The following WDR19 variants were observed in gnomAD, a reference collection of about 807,000 sequenced individuals.
The protein encoded by WDR19 is WD repeat-containing protein 19.
A neutral mutation model predicts 180.0 loss-of-function variants in WDR19; 121 were observed. The ratio of observed to expected loss-of-function variants is 0.67; its 90% CI spans 0.58 to 0.78. The LOEUF is 0.78. Among genes scored for constraint, WDR19 ranks in the 30% least tolerant of loss-of-function variants. WDR19 has a pLI of 0.00. For missense variants in WDR19, 1,450 were observed against 1,640.7 expected, an observed-to-expected ratio of 0.88 and a Z score of 2.01; for synonymous variants, 497 against 540.7, an observed-to-expected ratio of 0.92 and a Z score of 1.12.
chr4:39,253,063 T>TA (rs1210148798), intron 24 of WDR19, 83 bp from the exon 25 acceptor site: 2 of 1,376,494 alleles, frequency 1.5e-6, no homozygotes, highest in Non-Finnish European at 1.9e-6. Context: ...CAATAAAATT[T>TA]AAAAGTGTCC....
chr4:39,267,219 C>T (rs1734899148), intron 29 of WDR19, among the ~76,000 whole-genome samples: 1 of 152,224 alleles, frequency 6.6e-6, no homozygotes, highest in Non-Finnish European at 1.5e-5. Flanking sequence ...TGCCCCAGAC[C>T]TCCTTCCCCT....
At chr4:39,211,165 T>C (rs1316016659) in intron 9 of WDR19, among the ~76,000 whole-genome samples, 3 of 151,856 alleles carry the variant, frequency 2.0e-5, no homozygotes, top group Non-Finnish European at 4.4e-5. Context: ...CACCCCAGCC[T>C]GGGCAAAAGA....
At chr4:39,250,131 A>G (rs1732996688) in intron 24 of WDR19, among the ~76,000 whole-genome samples, 1 of 151,896 alleles carries the variant, frequency 6.6e-6, no homozygotes, top group Admixed American at 6.6e-5. Flanking sequence ...GCAACACATC[A>G]AAAAGCTTAT....
At chr4:39,221,029 AT>A (rs1729651595) in intron 14 of WDR19, among the ~76,000 whole-genome samples, 2 of 151,234 alleles carry the variant, frequency 1.3e-5, no homozygotes, top group Non-Finnish European at 1.5e-5. Context: ...GGCCTAAATT[AT>A]TTTTTTTAAA....
intron 28 of WDR19, among the ~76,000 whole-genome samples, chr4:39,258,160 C>CT (rs34163030): frequency 0.46 from 68,666 of 150,058 alleles, 18,162 homozygotes; most frequent in East Asian, 0.62. Context: ...GTAAGTCATT[C>CT]TTTTTTTTTT....
intron 6 of WDR19, among the ~76,000 whole-genome samples, chr4:39,201,964 G>T (rs1727416412): frequency 6.6e-6 from 1 of 152,068 alleles, no homozygotes; most frequent in African/African-American, 2.4e-5. Flanking sequence ...TTTAACTTTG[G>T]CATTCTGAAG....
At chr4:39,222,695 T>A (rs1276355081) in intron 14 of WDR19, among the ~76,000 whole-genome samples, 3 of 152,198 alleles carry the variant, frequency 2.0e-5, no homozygotes, top group African/African-American at 2.4e-5. Flanking sequence ...AAATGTTACC[T>A]TTTTTTAAAT....
chr4:39,218,352 G>A, intron 14 of WDR19: 1 of 520,758 alleles, frequency 1.9e-6, no homozygotes, highest in South Asian at 2.6e-5. Context: ...AACCTAGATG[G>A]TACAGCCCAC....
intron 36 of WDR19, 81 bp from the exon 37 acceptor site, chr4:39,285,406 T>C (rs959222259): frequency 6.6e-6 from 1 of 152,262 alleles, no homozygotes; most frequent in Non-Finnish European, 1.5e-5. Flanking sequence ...AAATTCTTTT[T>C]AGTATGTTTG....
chr4:39,195,381 A>G (rs1338449130), intron 5 of WDR19, among the ~76,000 whole-genome samples: 6 of 132,642 alleles, frequency 4.5e-5, no homozygotes, highest in Admixed American at 4.4e-4. Context: ...AAAAAAAACA[A>G]AAAAACAAAC....
chr4:39,203,146 C>G (rs1252668397), intron 6 of WDR19, among the ~76,000 whole-genome samples: 1 of 143,216 alleles, frequency 7.0e-6, no homozygotes, highest in African/African-American at 2.6e-5. Context: ...GGGTCTTGCT[C>G]TGAAGTGCAG....
In WDR19 at chr4:39,231,356, C is replaced by T. The variant is rs954568773; in HGVS notation, c.1983-441C>T. Among the ~76,000 whole-genome samples, 7 of 148,520 alleles carry T rather than the reference C, an allele frequency of 4.7e-5. No homozygotes were observed. The East Asian group carries it at 1.2e-3, about 26-fold the overall frequency. ...AAAAAAAGAGTGGGCTGATCAGTGA[C>T]TTTGTTCCACTCAAGCTGTATTTTC... On this transcript the variant is annotated intron_variant, in intron 17 of 36. Transcript: ENST00000399820.
At chr4:39,216,934 A>G (rs1025220006) in intron 12 of WDR19, among the ~76,000 whole-genome samples, 200 bp from the exon 13 acceptor site, 24 of 152,262 alleles carry the variant, frequency 1.6e-4, no homozygotes, top group Admixed American at 6.5e-4. Flanking sequence ...GAATGCCTGA[A>G]GGCAAATTTA....
At chr4:39,199,907 C>G (rs1323341835) in intron 6 of WDR19, among the ~76,000 whole-genome samples, 1 of 152,250 alleles carries the variant, frequency 6.6e-6, no homozygotes, top group Non-Finnish European at 1.5e-5. Flanking sequence ...ATTTATAATA[C>G]AAATGTTAAT....
chr4:39,263,903 A>C (rs890709771), intron 28 of WDR19, among the ~76,000 whole-genome samples: 5 of 139,688 alleles, frequency 3.6e-5, no homozygotes, highest in African/African-American at 2.7e-5. Flanking sequence ...CAGCCTGGGC[A>C]ACAAGAGCGA....
intron 20 of WDR19, 90 bp from the exon 21 acceptor site, chr4:39,240,177 TAAAAAAAAAA>T (rs55876795): frequency 2.5e-4 from 37 of 146,878 alleles, no homozygotes; most frequent in Middle Eastern, 3.4e-3. Flanking sequence ...ACCCTGTCTC[TAAAAAAAAAA>T]AAAAAAAAAA....
chr4:39,275,063 G>A lies in WDR19; in HGVS notation c.3716+105G>A, dbSNP rs182778447. 5.1e-5 allele frequency: 71 copies of A among 1,397,410 alleles called. No homozygotes were observed. In the African/African-American group the frequency reaches 7.8e-4, roughly 15 times the overall value. The allele number at this position is 1,397,410 out of a possible 1,614,324, so 86.6% of individuals were successfully genotyped here. On this transcript the variant is annotated intron_variant, in intron 33 of 36. Transcript: ENST00000399820. ...TCAATAAGAAAACGGTGGGGGGCCA[G>A]GTGCAGTGGCTCACACCTATAATCC...
intron 21 of WDR19, among the ~76,000 whole-genome samples, chr4:39,241,553 A>G (rs1447020448): frequency 6.6e-6 from 1 of 150,732 alleles, no homozygotes; most frequent in Non-Finnish European, 1.5e-5. Flanking sequence ...TGGTAACCCC[A>G]GCACTTTGGG....
At chr4:39,266,550 T>C (rs771289184) in intron 29 of WDR19, among the ~76,000 whole-genome samples, 3 of 152,206 alleles carry the variant, frequency 2.0e-5, no homozygotes, top group Non-Finnish European at 2.9e-5. Flanking sequence ...CTCTTTAAAA[T>C]TGGCTTTGCC....
Sources: gnomAD v4.1 joint callset for allele counts (sites outside exome capture counted in the v4.1 genomes callset) on GRCh38, gnomAD v4.1.1 for gene constraint, MANE v1.5 for transcripts, NCBI Gene and HGNC (gene_info 2026-07-23, HGNC 2026-07-21) for gene names.